The following VIT variants were observed in gnomAD, a reference collection of about 807,000 sequenced individuals.
VIT encodes the protein vitrin.
Under a neutral mutation model 78.0 loss-of-function variants are expected in VIT, and 99 were observed. That is an observed-to-expected ratio of 1.27 (90% CI 1.08 to 1.50). The LOEUF (loss-of-function observed/expected upper bound fraction) is 1.50, where lower values mean the gene tolerates loss of function less well. VIT is among the 40% of genes most tolerant of loss of function. VIT has a pLI of 0.00. For missense variants in VIT, 1,126 were observed against 875.3 expected, an observed-to-expected ratio of 1.29 and a Z score of -3.61; for synonymous variants, 374 against 334.3, an observed-to-expected ratio of 1.12 and a Z score of -1.29.
chr2:36,743,321 C>G, intron 4 of VIT, 65 bp downstream of exon 4: 1 of 1,434,588 alleles, frequency 7.0e-7, no homozygotes, highest in South Asian at 1.7e-5. Context: ...AGCCCCCATG[C>G]AAGGTTGCCA....
intron 9 of VIT, 59 bp downstream of exon 9, chr2:36,775,126 C>A: frequency 1.9e-6 from 3 of 1,595,700 alleles, no homozygotes; most frequent in Non-Finnish European, 2.6e-6. Flanking sequence ...TGGCACTTTG[C>A]AAACATGAGG....
chr2:36,794,049 A>G (rs1207124759), intron 12 of VIT, among the ~76,000 whole-genome samples: 1 of 152,184 alleles, frequency 6.6e-6, no homozygotes. Flanking sequence ...AACACTGATG[A>G]TCCATCCAAT....
chr2:36,729,946 G>T (rs1484332762), intron 3 of VIT, among the ~76,000 whole-genome samples: 1 of 152,118 alleles, frequency 6.6e-6, no homozygotes, highest in African/African-American at 2.4e-5. Context: ...TCAATGGAAG[G>T]AGAAAAAATA....
chr2:36,738,393 C>T (rs956661608), intron 3 of VIT, among the ~76,000 whole-genome samples: 15 of 151,958 alleles, frequency 9.9e-5, no homozygotes, highest in Admixed American at 8.5e-4. Context: ...AAGACTAATG[C>T]CTTTTAGGGT....
chr2:36,787,068 G>C, intron 11 of VIT, 61 bp from the exon 12 acceptor site: 1 of 1,595,310 alleles, frequency 6.3e-7, no homozygotes, highest in Non-Finnish European at 8.6e-7. Flanking sequence ...GGAACAAGAG[G>C]ATGCCCAGGT....
intron 12 of VIT, among the ~76,000 whole-genome samples, chr2:36,796,905 T>G (rs1258028076): frequency 6.6e-6 from 1 of 152,232 alleles, no homozygotes; most frequent in Non-Finnish European, 1.5e-5. Context: ...TGAGAAAATC[T>G]AGCCCACAAA....
chr2:36,731,472 A>C lies in VIT; in HGVS notation c.118+1981A>C, dbSNP rs1346194116. Among the ~76,000 whole-genome samples, 7 of 152,056 alleles carry C rather than the reference A, an allele frequency of 4.6e-5. No homozygotes were observed. In the East Asian group the frequency reaches 1.4e-3, roughly 30 times the overall value. ...GTATTTTTAGTAGAAACGGGGTTTC[A>C]CCATGTTGGCCAGGATGGTCTCGAT... is the stretch of plus-strand genomic sequence containing the variant. On this transcript the variant is annotated intron_variant, in intron 3 of 15. Coordinates refer to ENST00000379242, the MANE Select transcript of VIT (RefSeq NM_053276.4).
At chr2:36,795,143 C>T (rs931050228) in intron 12 of VIT, among the ~76,000 whole-genome samples, 11 of 152,180 alleles carry the variant, frequency 7.2e-5, no homozygotes, top group African/African-American at 2.4e-4. Flanking sequence ...AAGTAGGTTA[C>T]AGTCAAATCC....
intron 10 of VIT, among the ~76,000 whole-genome samples, chr2:36,783,099 A>G (rs1478696184): frequency 6.6e-6 from 1 of 152,248 alleles, no homozygotes; most frequent in African/African-American, 2.4e-5. Flanking sequence ...TAAATTAACA[A>G]GAACAGAACT....
intron 3 of VIT, among the ~76,000 whole-genome samples, chr2:36,736,390 A>G (rs1421031423): frequency 6.6e-6 from 1 of 152,260 alleles, no homozygotes; most frequent in Non-Finnish European, 1.5e-5. Context: ...TGTAATAAAC[A>G]CATCATATAT....
At chr2:36,748,856 G>A (rs1347267693) in intron 4 of VIT, among the ~76,000 whole-genome samples, 5 of 152,322 alleles carry the variant, frequency 3.3e-5, no homozygotes, top group South Asian at 2.1e-4. Flanking sequence ...CTCTCAAAAC[G>A]TCTGTTCAAA....
At chr2:36,745,658 G>A (rs1212705708) in intron 4 of VIT, among the ~76,000 whole-genome samples, 3 of 152,112 alleles carry the variant, frequency 2.0e-5, no homozygotes, top group Admixed American at 6.5e-5. Context: ...TATCGGTTTT[G>A]TATTCGGAAA....
chr2:36,793,362 T>A (rs1030379556), intron 12 of VIT, among the ~76,000 whole-genome samples: 3 of 152,236 alleles, frequency 2.0e-5, no homozygotes, highest in Non-Finnish European at 4.4e-5. Context: ...CCTCCTTCTC[T>A]GATGGTGGGA....
rs772455999 is a variant in VIT at position 36,759,054 on chromosome 2, C to T, written c.487+8C>T. 6.2e-7 allele frequency: 1 copy of T among 1,614,140 alleles called. No homozygotes were observed. Among genetic ancestry groups the T allele is most frequent in the Non-Finnish European group, 8.5e-7 (1 of 1,180,036 alleles). On this transcript the variant is annotated splice_region_variant and intron_variant, in intron 6 of 15. Transcript: ENST00000379242. The stretch of plus-strand genomic sequence containing the variant: ...GTCCAGCTGCCCAAGCAGGCAAGTG[C>T]TCACGTGTGATTGAATCTAAACCTT...
chr2:36,702,591 T>C (rs1354599515), intron 1 of VIT, among the ~76,000 whole-genome samples: 1 of 152,186 alleles, frequency 6.6e-6, no homozygotes, highest in East Asian at 1.9e-4. Flanking sequence ...ATTTTCTTTC[T>C]CTGCCTTGCG....
chr2:36,800,707 C>T (rs1226514224), intron 12 of VIT, among the ~76,000 whole-genome samples: 2 of 152,164 alleles, frequency 1.3e-5, no homozygotes, highest in Admixed American at 1.3e-4. Context: ...TGTGTTTTTC[C>T]ACTGAATTCA....
chr2:36,803,688 G>A (rs1666495267), intron 13 of VIT, among the ~76,000 whole-genome samples: 1 of 152,210 alleles, frequency 6.6e-6, no homozygotes, highest in Non-Finnish European at 1.5e-5. Flanking sequence ...GTAACCATTT[G>A]ATGCTCTCAT....
chr2:36,736,862 C>T (rs990851536), intron 3 of VIT, among the ~76,000 whole-genome samples: 2 of 152,100 alleles, frequency 1.3e-5, no homozygotes, highest in African/African-American at 4.8e-5. Flanking sequence ...GCATTTAATA[C>T]CCTGAAAAAC....
intron 12 of VIT, among the ~76,000 whole-genome samples, chr2:36,794,695 A>T (rs944104721): frequency 6.6e-6 from 1 of 152,174 alleles, no homozygotes; most frequent in African/African-American, 2.4e-5. Flanking sequence ...TTGGTGGATG[A>T]GTTCCATGCC....
Sources: gnomAD v4.1 joint callset for allele counts (sites outside exome capture counted in the v4.1 genomes callset) on GRCh38, gnomAD v4.1.1 for gene constraint, MANE v1.5 for transcripts, NCBI Gene and HGNC (gene_info 2026-07-23, HGNC 2026-07-21) for gene names.